HABP2: variants seen among roughly 807,000 people sequenced by gnomAD.
The protein encoded by HABP2 is hyaluronan binding protein 2.
Under a neutral mutation model 66.5 loss-of-function variants are expected in HABP2, and 65 were observed. The ratio of observed to expected loss-of-function variants is 0.98; its 90% CI spans 0.80 to 1.20. The LOEUF is 1.20. Ranked by LOEUF, HABP2 falls within the 50% of genes most tolerant of loss-of-function variation. HABP2 has a pLI of 0.00. For missense variants in HABP2, 786 were observed against 691.0 expected (o/e 1.14, Z -1.54); for synonymous variants, 263 against 253.9 (o/e 1.04, Z -0.34).
Position 113,578,527 on chromosome 10 carries a change from A to C in HABP2, c.569-100A>C. 31 of 761,596 alleles carry C rather than the reference A, an allele frequency of 4.1e-5. 1 individual carries two copies. The highest frequency in any genetic ancestry group is 6.1e-4 in the Middle Eastern group (2 of 3,260). The allele number at this position is 761,596 out of a possible 1,614,324, so 47.2% of individuals were successfully genotyped here. A position where few individuals can be genotyped will look rare whatever the true frequency, so the allele number is the denominator to read the frequency against. ...TGAAATCTCAGGGCGATAAATATGC[A>C]GGTCCAGTTCTCTCACCATGTCACA... On this transcript the variant is annotated intron_variant, in intron 6 of 12. Coordinates refer to ENST00000351270, the MANE Select transcript of HABP2 (RefSeq NM_004132.5).
chr10:113,558,122 A>G (rs1028741561), intron 1 of HABP2, among the ~76,000 whole-genome samples: 1 of 152,210 alleles, frequency 6.6e-6, no homozygotes, highest in Non-Finnish European at 1.5e-5. Flanking sequence ...AGCAGGAGAC[A>G]AAGTCGCTCC....
At chr10:113,553,540 G>A (rs1210533765) in intron 1 of HABP2, among the ~76,000 whole-genome samples, 1 of 152,196 alleles carries the variant, frequency 6.6e-6, no homozygotes, top group Non-Finnish European at 1.5e-5. Flanking sequence ...CTCTCCCCAG[G>A]AAAATATACC....
chr10:113,554,123 T>C (rs951064438), intron 1 of HABP2, among the ~76,000 whole-genome samples: 2 of 151,870 alleles, frequency 1.3e-5, no homozygotes, highest in Non-Finnish European at 2.9e-5. Flanking sequence ...TCTCATAGAT[T>C]TGGGGAGGGC....
chr10:113,552,815 G>C (rs1844920818), upstream of HABP2, among the ~76,000 whole-genome samples: 1 of 152,124 alleles, frequency 6.6e-6, no homozygotes, highest in Non-Finnish European at 1.5e-5. Flanking sequence ...TTCCTGCTCG[G>C]AACACCCAGC....
chr10:113,568,642 C>A (rs1387278839), intron 2 of HABP2, among the ~76,000 whole-genome samples: 1 of 152,278 alleles, frequency 6.6e-6, no homozygotes, highest in South Asian at 2.1e-4. Context: ...AGAGAGTTAT[C>A]CCCTAGCTGA....
At chr10:113,551,974 A>C (rs984206226), upstream of HABP2, among the ~76,000 whole-genome samples, 1 of 152,052 alleles carries the variant, frequency 6.6e-6, no homozygotes, top group Admixed American at 6.6e-5. Flanking sequence ...ATAATGTGGA[A>C]GTCATTTAGG....
chr10:113,575,652 G>A (rs922387259), intron 3 of HABP2, among the ~76,000 whole-genome samples: 2 of 152,172 alleles, frequency 1.3e-5, no homozygotes, highest in Non-Finnish European at 2.9e-5. Context: ...GCCAGGCCGA[G>A]GGGAGACAGT....
In HABP2 at chr10:113,580,605, G is replaced by T; in HGVS notation, c.751G>T (p.Ala251Ser). ...TGTTTTGTATTTTAGAAACCCAGAT[G>T]CGGACGAAAAGCCCTGGTGCTTTAT... Reference protein sequence around the residue: ...GEHNFCRNPDADEKPWCFIKV... With the variant: ...GEHNFCRNPDSDEKPWCFIKV... The change falls in exon 8 of 13, where the codon GCG becomes TCG. Residue 251 changes from alanine to serine, a missense_variant. Transcript: ENST00000351270. 1 of 1,564,770 alleles carries T rather than the reference G, an allele frequency of 6.4e-7. No homozygotes were observed. Among genetic ancestry groups the T allele is most frequent in the Non-Finnish European group, 8.8e-7 (1 of 1,135,036 alleles).
chr10:113,565,849 G>A (rs1297594751), intron 1 of HABP2, among the ~76,000 whole-genome samples: 1 of 152,100 alleles, frequency 6.6e-6, no homozygotes, highest in Non-Finnish European at 1.5e-5. Flanking sequence ...GCTAGGCTAG[G>A]TGTTTTGTAG....
chr10:113,563,359 A>G (rs1845135290), intron 1 of HABP2, among the ~76,000 whole-genome samples: 1 of 152,172 alleles, frequency 6.6e-6, no homozygotes. Flanking sequence ...GGATATAGGC[A>G]TAAGTAATTG....
At chr10:113,552,834 T>C (rs1324038312), upstream of HABP2, among the ~76,000 whole-genome samples, 1 of 152,186 alleles carries the variant, frequency 6.6e-6, no homozygotes, top group Non-Finnish European at 1.5e-5. Flanking sequence ...GCAGCTGTCA[T>C]GTGCACCGTG....
chr10:113,554,662 C>A (rs1465865807), intron 1 of HABP2, among the ~76,000 whole-genome samples: 1 of 152,158 alleles, frequency 6.6e-6, no homozygotes, highest in Non-Finnish European at 1.5e-5. Context: ...CGGAGGCCCA[C>A]GCGGGGCCCA....
At chr10:113,554,369 T>A (rs531599630) in intron 1 of HABP2, among the ~76,000 whole-genome samples, 6 of 152,246 alleles carry the variant, frequency 3.9e-5, no homozygotes, top group Non-Finnish European at 8.8e-5. Flanking sequence ...GTTTCCTGAA[T>A]GAAGCAGATT....
chr10:113,575,123 C>T (rs1274850873), intron 3 of HABP2, among the ~76,000 whole-genome samples: 2 of 152,178 alleles, frequency 1.3e-5, no homozygotes, highest in African/African-American at 4.8e-5. Flanking sequence ...AGCTGTGTAA[C>T]TGTGCAAAGT....
At chr10:113,558,729 G>A (rs1845045936) in intron 1 of HABP2, among the ~76,000 whole-genome samples, 1 of 152,226 alleles carries the variant, frequency 6.6e-6, no homozygotes, top group Admixed American at 6.5e-5. Context: ...CCTAGCGGGG[G>A]AGTTACCTTC....
chr10:113,589,004 CGT>C lies in HABP2; in HGVS notation c.*637_*638del. 6.2e-7 allele frequency: 1 copy of C among 1,613,930 alleles called. No individual in the cohort carries two copies. Among genetic ancestry groups the C allele is most frequent in the Admixed American group, 1.7e-5 (1 of 60,008 alleles). ...AACAGCAGGGCCTTCTTCTTTTTGACGTGCAGAATCTCAGTGGCATCTGGGTT... is the reference window on the plus strand; with the variant it reads ...AACAGCAGGGCCTTCTTCTTTTTGACGCAGAATCTCAGTGGCATCTGGGTT... On this transcript the variant is annotated 3_prime_UTR_variant, in exon 13 of 13. Transcript: ENST00000351270.
upstream of HABP2, among the ~76,000 whole-genome samples, chr10:113,552,332 A>C (rs1844912696): frequency 6.6e-6 from 1 of 152,222 alleles, no homozygotes; most frequent in Non-Finnish European, 1.5e-5. Context: ...AATTGTGTCC[A>C]CAAGAACCCA....
intron 2 of HABP2, among the ~76,000 whole-genome samples, chr10:113,572,155 G>A (rs528961781): frequency 6.6e-6 from 1 of 152,324 alleles, no homozygotes; most frequent in Admixed American, 6.5e-5. Context: ...AGGCCCATGG[G>A]CCCTAGAGAA....
intron 1 of HABP2, among the ~76,000 whole-genome samples, chr10:113,562,839 GTTTC>G (rs1467410332): frequency 6.6e-6 from 1 of 152,196 alleles, no homozygotes; most frequent in African/African-American, 2.4e-5. Context: ...GAGCTTTTCT[GTTTC>G]TTTCTCCTCC....
Sources: allele counts gnomAD v4.1 joint callset (sites outside exome capture counted in the v4.1 genomes callset), GRCh38; gene constraint gnomAD v4.1.1; transcripts MANE v1.5; gene names NCBI Gene and HGNC (gene_info 2026-07-23, HGNC 2026-07-21).